The following PLCL2 variants were observed in gnomAD, a reference collection of about 807,000 sequenced individuals.
PLCL2 encodes the protein phospholipase C like 2, also known as inactive phospholipase C-like protein 2.
Under a neutral mutation model 79.6 loss-of-function variants are expected in PLCL2, and 4 were observed. That is an observed-to-expected ratio of 0.05 (90% CI 0.02 to 0.11). The LOEUF (loss-of-function observed/expected upper bound fraction) is 0.11, where lower values mean the gene tolerates loss of function less well. Ranked by LOEUF, PLCL2 falls within the 10% of genes least tolerant of loss-of-function variation. PLCL2 has a pLI of 1.00. For missense variants in PLCL2, 895 were observed against 1,291.0 expected, an observed-to-expected ratio of 0.69 and a Z score of 4.70; for synonymous variants, 484 against 457.7, an observed-to-expected ratio of 1.06 and a Z score of -0.73.
Position 17,009,117 on chromosome 3 carries a change from T to G in PLCL2, c.328-557T>G, listed in dbSNP as rs561396107. Among the ~76,000 whole-genome samples the G allele has an allele frequency of 6.6e-6, 1 of 152,228 alleles. No homozygotes were observed. The highest frequency in any genetic ancestry group is 6.5e-5 in the Admixed American group (1 of 15,294). ...CTCCTGCCTCAGCCTCCCGAGTAGG[T>G]GGGATTACAGGCACCCGCCACCATG... On this transcript the variant is annotated intron_variant, in intron 1 of 5. Transcript: ENST00000615277. The surrounding 1 kb of genome is among the most constrained non-coding windows in gnomAD (Gnocchi z 4.0).
chr3:17,080,312 A>C (rs2065149904), intron 5 of PLCL2, among the ~76,000 whole-genome samples: 1 of 152,166 alleles, frequency 6.6e-6, no homozygotes, highest in Non-Finnish European at 1.5e-5. Flanking sequence ...GGACCTGACC[A>C]AGCTAGGAGG....
chr3:16,961,909 C>G (rs1313161032), intron 1 of PLCL2, among the ~76,000 whole-genome samples: 1 of 152,124 alleles, frequency 6.6e-6, no homozygotes, highest in Non-Finnish European at 1.5e-5. Context: ...GGAGCAACAC[C>G]AGGTGGATAA....
chr3:17,045,370 T>A (rs914035296), intron 4 of PLCL2, among the ~76,000 whole-genome samples: 14 of 152,174 alleles, frequency 9.2e-5, no homozygotes, highest in African/African-American at 3.1e-4. Context: ...TTAAAAAATG[T>A]CCCCAGTTCA....
At chr3:16,895,637 T>C (rs1354445217) in intron 1 of PLCL2, among the ~76,000 whole-genome samples, 2 of 152,318 alleles carry the variant, frequency 1.3e-5, no homozygotes, top group African/African-American at 4.8e-5. Context: ...ACTCCATATG[T>C]ATATTGAAAG....
intron 1 of PLCL2, among the ~76,000 whole-genome samples, chr3:16,967,895 G>A (rs532049853): frequency 6.6e-6 from 1 of 152,118 alleles, no homozygotes; most frequent in African/African-American, 2.4e-5. Flanking sequence ...TATAGTTTTA[G>A]GTTTTACATT....
intron 5 of PLCL2, among the ~76,000 whole-genome samples, chr3:17,080,442 C>T (rs2065151249): frequency 6.6e-6 from 1 of 152,128 alleles, no homozygotes; most frequent in South Asian, 2.1e-4. Context: ...AAGACTCCTA[C>T]AATCCATTCA....
At chr3:16,940,804 A>C (rs1401144051) in intron 1 of PLCL2, among the ~76,000 whole-genome samples, 1 of 152,226 alleles carries the variant, frequency 6.6e-6, no homozygotes, top group Non-Finnish European at 1.5e-5. Flanking sequence ...TATAAAGATC[A>C]AATGTGATGA....
At chr3:17,002,526 T>C (rs1210944100) in intron 1 of PLCL2, among the ~76,000 whole-genome samples, 1 of 152,198 alleles carries the variant, frequency 6.6e-6, no homozygotes, top group African/African-American at 2.4e-5. Context: ...GACTTTCTTT[T>C]TTCTTTGGCT....
chr3:17,089,721 G>A lies in PLCL2; in HGVS notation c.3205-12G>A, dbSNP rs751288621. ...CATATCTAATACTGTTTAATTGCATGTTTTGTTATAGGGACAAGCAGATCT... is the reference window on the plus strand; with the variant it reads ...CATATCTAATACTGTTTAATTGCATATTTTGTTATAGGGACAAGCAGATCT... On this transcript the variant is annotated splice_polypyrimidine_tract_variant and intron_variant, in intron 5 of 5. Coordinates refer to ENST00000615277, the MANE Select transcript of PLCL2 (RefSeq NM_001144382.2). 1 of 1,524,272 alleles carries A rather than the reference G, an allele frequency of 6.6e-7. No homozygotes were observed. Among genetic ancestry groups the A allele is most frequent in the South Asian group, 1.1e-5 (1 of 87,496 alleles). 94.4% of individuals were successfully genotyped at this position (1,524,272 alleles called of 1,614,324 possible). A position where few individuals can be genotyped will look rare whatever the true frequency, so the allele number is the denominator to read the frequency against.
chr3:17,086,296 C>T (rs1421634282), intron 5 of PLCL2, among the ~76,000 whole-genome samples: 1 of 152,168 alleles, frequency 6.6e-6, no homozygotes, highest in African/African-American at 2.4e-5. Flanking sequence ...AGCAGTTACT[C>T]AATCTTTGGC....
intron 1 of PLCL2, among the ~76,000 whole-genome samples, chr3:16,991,204 G>C (rs189607839): frequency 6.6e-6 from 1 of 152,172 alleles, no homozygotes; most frequent in African/African-American, 2.4e-5. Context: ...AACAGAGCAG[G>C]GGAGGAGGAG....
intron 1 of PLCL2, among the ~76,000 whole-genome samples, chr3:16,947,599 A>G (rs2063614514): frequency 6.6e-6 from 1 of 152,180 alleles, no homozygotes; most frequent in Non-Finnish European, 1.5e-5. Flanking sequence ...CCTGCTTTTC[A>G]ACAGTTTTGT....
At chr3:16,915,133 C>T (rs1055424059) in intron 1 of PLCL2, among the ~76,000 whole-genome samples, 3 of 152,180 alleles carry the variant, frequency 2.0e-5, no homozygotes, top group African/African-American at 7.2e-5. Context: ...TGGAACAAAT[C>T]AATTAAAACA....
At chr3:16,898,643 T>C (rs1696542268) in intron 1 of PLCL2, among the ~76,000 whole-genome samples, 1 of 152,140 alleles carries the variant, frequency 6.6e-6, no homozygotes, top group African/African-American at 2.4e-5. Context: ...TCCTCATCAT[T>C]ACTGGTTGCC....
In PLCL2 at chr3:17,010,998, A is replaced by T; in HGVS notation, c.1652A>T (p.Glu551Val). The change falls in exon 2 of 6, where the codon GAG (glutamate) becomes GTG (valine). Residue 551 changes from glutamate to valine, a missense_variant. Transcript: ENST00000615277. This position sits in a 1 kb window ranked among gnomAD's most constrained non-coding sequence, Gnocchi z 5.8. ...CTCTATACAACATCACCCAATGTTG[A>T]GGAATCTTATCTACCATCCCCAGAT... ...DKLYTTSPNV[E>V]ESYLPSPDVL... is the part of the protein sequence containing the mutation. The T allele has an allele frequency of 6.2e-7, 1 of 1,613,902 alleles. No homozygotes were observed. The highest frequency in any genetic ancestry group is 1.3e-5 in the African/African-American group (1 of 75,064).
At chr3:16,944,759 G>T (rs1423320239) in intron 1 of PLCL2, among the ~76,000 whole-genome samples, 1 of 143,612 alleles carries the variant, frequency 7.0e-6, no homozygotes. Flanking sequence ...TGTACTCCGG[G>T]TTTTTTTTTT....
chr3:17,025,398 C>A (rs185521317), intron 3 of PLCL2, among the ~76,000 whole-genome samples: 4,323 of 152,144 alleles, frequency 0.028, 223 homozygotes, highest in African/African-American at 0.1. Context: ...TCAGTCACTT[C>A]AATCAAATTG....
chr3:16,932,725 C>T (rs1697436472), intron 1 of PLCL2, among the ~76,000 whole-genome samples: 1 of 152,116 alleles, frequency 6.6e-6, no homozygotes, highest in South Asian at 2.1e-4. Context: ...CTCCCTTGAA[C>T]GTATCTTTTA....
chr3:17,066,157 G>A (rs1253229380), intron 4 of PLCL2, among the ~76,000 whole-genome samples: 1 of 152,262 alleles, frequency 6.6e-6, no homozygotes, highest in South Asian at 2.1e-4. Flanking sequence ...GGCTTATTCG[G>A]TTAACCAAGT....
Sources: gnomAD v4.1 joint callset for allele counts (sites outside exome capture counted in the v4.1 genomes callset) on GRCh38, gnomAD v4.1.1 for gene constraint, Gnocchi (gnomAD v3.1) non-coding constraint, MANE v1.5 for transcripts, NCBI Gene and HGNC (gene_info 2026-07-23, HGNC 2026-07-21) for gene names.